The following AKAP6 variants were observed in gnomAD, a reference collection of about 807,000 sequenced individuals.
The protein encoded by AKAP6 is A-kinase anchor protein 6.
A neutral mutation model predicts 188.5 loss-of-function variants in AKAP6; 58 were observed. The observed-to-expected ratio is 0.31, with a 90% confidence interval of 0.25 to 0.38. AKAP6 has a LOEUF of 0.38. Among genes scored for constraint, AKAP6 ranks in the 10% least tolerant of loss-of-function variants. The probability of loss-of-function intolerance (pLI) is 1.00; values close to 1 mark genes in which losing one functional copy is unlikely to be tolerated. For missense variants in AKAP6, 2,710 were observed against 2,740.0 expected (o/e 0.99, Z 0.24); for synonymous variants, 989 against 998.6 (o/e 0.99, Z 0.18).
At chr14:32,389,793 T>G (rs1888650195) in intron 1 of AKAP6, among the ~76,000 whole-genome samples, 1 of 152,162 alleles carries the variant, frequency 6.6e-6, no homozygotes, top group Admixed American at 6.5e-5. Flanking sequence ...TCCTTTGTCT[T>G]AACTTTAGAT....
At chr14:32,465,432 C>A (rs540288723) in intron 2 of AKAP6, among the ~76,000 whole-genome samples, 1 of 152,218 alleles carries the variant, frequency 6.6e-6, no homozygotes, top group African/African-American at 2.4e-5. Flanking sequence ...AGAAATAACA[C>A]CACACATCTA....
intron 9 of AKAP6, among the ~76,000 whole-genome samples, chr14:32,696,332 G>A (rs548017995): frequency 2.0e-5 from 3 of 152,244 alleles, no homozygotes; most frequent in Admixed American, 2.0e-4. Context: ...TCTATTTGCT[G>A]TAATTCTATA....
intron 7 of AKAP6, among the ~76,000 whole-genome samples, chr14:32,618,905 G>A (rs1240172488): frequency 6.6e-6 from 1 of 152,046 alleles, no homozygotes; most frequent in Non-Finnish European, 1.5e-5. Flanking sequence ...GGGGTAAGGT[G>A]ATTTTAATTT....
chr14:32,713,476 A>G (rs1296838), intron 9 of AKAP6, among the ~76,000 whole-genome samples: 150,824 of 152,006 alleles, frequency 0.99, 74,836 homozygotes, highest in Middle Eastern at 1. Context: ...TTTTTTTCCA[A>G]TAGAGGGCTG....
intron 11 of AKAP6, among the ~76,000 whole-genome samples, chr14:32,751,128 G>A (rs1030716816): frequency 2.7e-5 from 4 of 150,564 alleles, no homozygotes; most frequent in Admixed American, 2.0e-4. Flanking sequence ...AAGTAATTCA[G>A]AATTAATTAT....
chr14:32,653,636 G>A (rs947905963), intron 7 of AKAP6, among the ~76,000 whole-genome samples: 2 of 151,922 alleles, frequency 1.3e-5, no homozygotes, highest in African/African-American at 4.8e-5. Context: ...CCAGTCTTAA[G>A]TATTTATAGC....
At chr14:32,637,339 G>A (rs1205748915) in intron 7 of AKAP6, among the ~76,000 whole-genome samples, 2 of 152,028 alleles carry the variant, frequency 1.3e-5, no homozygotes, top group East Asian at 3.9e-4. Flanking sequence ...TTTAGAGGAA[G>A]GATTGATTCT....
chr14:32,722,192 G>A (rs2030574748), intron 9 of AKAP6, among the ~76,000 whole-genome samples: 1 of 152,090 alleles, frequency 6.6e-6, no homozygotes, highest in Non-Finnish European at 1.5e-5. Flanking sequence ...GACCCTTGGG[G>A]AAGTATTGAA....
chr14:32,440,119 C>T lies in AKAP6; in HGVS notation c.324+6302C>T, dbSNP rs1209969958. ...TGTAAAATTTGGTTTTCTGTCCTTG[C>T]GATAGTTTGCTCAGAATGACGGTTT... On this transcript the variant is annotated intron_variant, in intron 2 of 13. Transcript: ENST00000280979. Among the ~76,000 whole-genome samples, 7 of 152,090 alleles carry T rather than the reference C, an allele frequency of 4.6e-5. No homozygotes were observed. The East Asian group carries it at 5.8e-4, about 13-fold the overall frequency.
intron 4 of AKAP6, among the ~76,000 whole-genome samples, chr14:32,563,133 C>T (rs1000844429): frequency 6.6e-6 from 1 of 152,120 alleles, no homozygotes; most frequent in African/African-American, 2.4e-5. Context: ...GGAAAAGATA[C>T]ATTCATAGTA....
At chr14:32,712,309 T>C (rs1358427570) in intron 9 of AKAP6, among the ~76,000 whole-genome samples, 3 of 152,060 alleles carry the variant, frequency 2.0e-5, no homozygotes, top group East Asian at 3.9e-4. Context: ...CAAGTCATAA[T>C]CTTTTTGCTG....
At chr14:32,372,853 AAG>A (rs918319933) in intron 1 of AKAP6, among the ~76,000 whole-genome samples, 4 of 150,858 alleles carry the variant, frequency 2.7e-5, no homozygotes, top group Non-Finnish European at 4.4e-5. Flanking sequence ...GAGAAAAAGA[AAG>A]AGAGCGAGCG....
intron 8 of AKAP6, among the ~76,000 whole-genome samples, chr14:32,681,210 T>G (rs998034902): frequency 1.2e-4 from 19 of 152,360 alleles, no homozygotes; most frequent in Admixed American, 7.8e-4. Context: ...CTTTTTCAGA[T>G]ACCTTTTCCT....
chr14:32,617,637 T>C (rs1167538405), intron 7 of AKAP6, among the ~76,000 whole-genome samples: 2 of 152,216 alleles, frequency 1.3e-5, no homozygotes, highest in Non-Finnish European at 2.9e-5. Flanking sequence ...TTGTTTTGTT[T>C]TGTTTTGAGA....
intron 4 of AKAP6, among the ~76,000 whole-genome samples, chr14:32,555,423 T>C (rs1222490115): frequency 6.6e-6 from 1 of 152,184 alleles, no homozygotes; most frequent in Non-Finnish European, 1.5e-5. Flanking sequence ...TTAAGAAGTA[T>C]CATGTCCTTC....
chr14:32,722,724 G>A (rs2030612519), intron 9 of AKAP6, among the ~76,000 whole-genome samples: 3 of 152,176 alleles, frequency 2.0e-5, no homozygotes, highest in Non-Finnish European at 4.4e-5. Context: ...TCACTCCATC[G>A]CCTTCCCAGC....
chr14:32,671,531 T>C (rs1237452110), intron 7 of AKAP6, among the ~76,000 whole-genome samples: 7 of 152,040 alleles, frequency 4.6e-5, no homozygotes, highest in African/African-American at 1.4e-4. Context: ...ACGGCATTTT[T>C]TGGGCTAATG....
chr14:32,574,336 T>G (rs764101709), intron 4 of AKAP6, among the ~76,000 whole-genome samples: 9 of 152,120 alleles, frequency 5.9e-5, no homozygotes, highest in Admixed American at 2.0e-4. Flanking sequence ...CAGACAGCCT[T>G]GTTTTGCTAT....
intron 1 of AKAP6, among the ~76,000 whole-genome samples, chr14:32,355,374 G>T (rs1163725059): frequency 6.6e-6 from 1 of 152,060 alleles, no homozygotes; most frequent in African/African-American, 2.4e-5. Flanking sequence ...CCGGCTCCAA[G>T]CCCTACTACA....
Sources: gnomAD v4.1 joint callset for allele counts (sites outside exome capture counted in the v4.1 genomes callset) on GRCh38, gnomAD v4.1.1 for gene constraint, MANE v1.5 for transcripts, NCBI Gene and HGNC (gene_info 2026-07-23, HGNC 2026-07-21) for gene names.